Variants in ADAMTS20 observed in about 807,000 individuals in gnomAD.
ADAMTS20 encodes the protein A disintegrin and metalloproteinase with thrombospondin motifs 20.
A neutral mutation model predicts 260.1 loss-of-function variants in ADAMTS20; 225 were observed. That is an observed-to-expected ratio of 0.87 (90% confidence interval 0.78 to 0.97). The LOEUF is 0.97. Among genes scored for constraint, ADAMTS20 ranks in the 50% least tolerant of loss-of-function variants. The probability of loss-of-function intolerance (pLI) is 0.00; values close to 1 mark genes in which losing one functional copy is unlikely to be tolerated. For synonymous variants in ADAMTS20, 802 were observed against 769.5 expected (o/e 1.04, Z -0.70); for missense variants, 2,400 against 2,337.7 (o/e 1.03, Z -0.55).
At chr12:43,522,733 T>C (rs1034704247) in intron 3 of ADAMTS20, among the ~76,000 whole-genome samples, 1 of 152,194 alleles carries the variant, frequency 6.6e-6, no homozygotes, top group African/African-American at 2.4e-5. Context: ...GGGGTTTTTG[T>C]TGGTGTTTGT....
intron 7 of ADAMTS20, among the ~76,000 whole-genome samples, chr12:43,482,517 A>T (rs531864712): frequency 1.3e-5 from 2 of 152,312 alleles, no homozygotes; most frequent in South Asian, 4.1e-4. Context: ...GCCACCTCCC[A>T]GTGTAGATTC....
At chr12:43,378,357 A>C (rs1335270305) in intron 31 of ADAMTS20, among the ~76,000 whole-genome samples, 4 of 152,228 alleles carry the variant, frequency 2.6e-5, no homozygotes, top group Non-Finnish European at 5.9e-5. Flanking sequence ...AAGTAAGGCA[A>C]TTAACCAAAC....
chr12:43,405,786 TCAGA>T (rs1233186463), intron 28 of ADAMTS20, among the ~76,000 whole-genome samples: 2 of 152,196 alleles, frequency 1.3e-5, no homozygotes, highest in Non-Finnish European at 2.9e-5. Flanking sequence ...CATCAAATGA[TCAGA>T]CAAAAACAAA....
intron 3 of ADAMTS20, among the ~76,000 whole-genome samples, chr12:43,521,166 A>C (rs923561770): frequency 1.3e-5 from 2 of 152,368 alleles, no homozygotes; most frequent in South Asian, 4.1e-4. Flanking sequence ...GAAACTGATT[A>C]AATTCATTAG....
chr12:43,509,320 GTTGTTA>G (rs1942890667), intron 3 of ADAMTS20, among the ~76,000 whole-genome samples: 1 of 151,952 alleles, frequency 6.6e-6, no homozygotes, highest in African/African-American at 2.4e-5. Flanking sequence ...AATTTTGGTT[GTTGTTA>G]TTGATATTGT....
At chr12:43,471,133 C>G (rs1592086202) in intron 7 of ADAMTS20, among the ~76,000 whole-genome samples, 1 of 152,036 alleles carries the variant, frequency 6.6e-6, no homozygotes, top group African/African-American at 2.4e-5. Context: ...GTGCACGCAC[C>G]GTGCGAGAGC....
At chr12:43,358,933 AAGTG>A (rs1176492397) in intron 37 of ADAMTS20, among the ~76,000 whole-genome samples, 1 of 145,178 alleles carries the variant, frequency 6.9e-6, no homozygotes, top group East Asian at 1.9e-4. Flanking sequence ...AGTAATAAAT[AAGTG>A]AGTGTGAATA....
chr12:43,430,558 A>G, intron 22 of ADAMTS20, 87 bp from the exon 23 acceptor site: 2 of 1,223,112 alleles, frequency 1.6e-6, no homozygotes, highest in Non-Finnish European at 2.2e-6. Flanking sequence ...CCTGTTAATA[A>G]TATACTTTTA....
chr12:43,462,760 C>G (rs1592081916), intron 11 of ADAMTS20, 135 bp downstream of exon 11: 1 of 662,652 alleles, frequency 1.5e-6, no homozygotes, highest in Non-Finnish European at 2.6e-6. Context: ...CTATATCAAA[C>G]AAACATGGCA....
Position 43,551,724 on chromosome 12 carries a change from G to A in ADAMTS20, c.91+107C>T. 1 of 1,170,164 alleles carries A rather than the reference G, an allele frequency of 8.5e-7. No individual in the cohort carries two copies. Among genetic ancestry groups the A allele is most frequent in the Non-Finnish European group, 1.2e-6 (1 of 806,218 alleles). The allele number at this position is 1,170,164 out of a possible 1,614,324, so 72.5% of individuals were successfully genotyped here. Reference sequence around the variant, plus strand: ...CCGGGAGTCCCGGGAGCTCCAGCAGGGCCAGCGTTCCCCAACGGGCTGAGC... The same window carrying A: ...CCGGGAGTCCCGGGAGCTCCAGCAGAGCCAGCGTTCCCCAACGGGCTGAGC... On this transcript the variant is annotated intron_variant, in intron 1 of 38. Transcript: ENST00000389420. This position sits in a 1 kb window ranked among gnomAD's most constrained non-coding sequence, Gnocchi z 4.6.
At chr12:43,382,372 G>A (rs748107134) in intron 31 of ADAMTS20, among the ~76,000 whole-genome samples, 1 of 152,158 alleles carries the variant, frequency 6.6e-6, no homozygotes, top group Non-Finnish European at 1.5e-5. Flanking sequence ...AGTGAAAGAA[G>A]CTAGACACAA....
chr12:43,507,473 C>A (rs1839766022), intron 3 of ADAMTS20, among the ~76,000 whole-genome samples: 1 of 152,140 alleles, frequency 6.6e-6, no homozygotes, highest in African/African-American at 2.4e-5. Context: ...AAGTAATTTA[C>A]CACTTGTCTC....
At chr12:43,376,748 C>A in intron 32 of ADAMTS20, 95 bp from the exon 33 acceptor site, 1 of 1,425,320 alleles carries the variant, frequency 7.0e-7, no homozygotes, top group Non-Finnish European at 9.4e-7. Context: ...ATTTCTGGAG[C>A]ACACTGAGGG....
intron 18 of ADAMTS20, among the ~76,000 whole-genome samples, chr12:43,438,207 C>T (rs1941593627): frequency 6.6e-6 from 1 of 152,096 alleles, no homozygotes; most frequent in African/African-American, 2.4e-5. Context: ...TCCAAACTTC[C>T]ATTTTGAATC....
At chr12:43,358,922 A>G (rs1406948612) in intron 37 of ADAMTS20, among the ~76,000 whole-genome samples, 1 of 148,832 alleles carries the variant, frequency 6.7e-6, no homozygotes, top group Non-Finnish European at 1.5e-5. Flanking sequence ...AGGATTTTAG[A>G]AGTAATAAAT....
chr12:43,469,359 T>C (rs1036272883), intron 7 of ADAMTS20, among the ~76,000 whole-genome samples: 10 of 152,060 alleles, frequency 6.6e-5, no homozygotes, highest in African/African-American at 1.7e-4. Context: ...AACATGCAAC[T>C]CAAATGTGCT....
rs553870327 is a variant in ADAMTS20 at position 43,482,065 on chromosome 12, G to T, written c.1117+8330C>A. Among the ~76,000 whole-genome samples the T allele has an allele frequency of 1.5e-4, 23 of 152,034 alleles. No homozygotes were observed. The East Asian group carries it at 1.5e-3, about 10-fold the overall frequency. On this transcript the variant is annotated intron_variant, in intron 7 of 38. Coordinates refer to ENST00000389420, the MANE Select transcript of ADAMTS20 (RefSeq NM_025003.5). ...TGCTGCAGCTGATTTAGTGAGCAGC[G>T]GGGAATATATGAGAAGGAACGGCAT...
chr12:43,449,778 A>G (rs1941831526), intron 14 of ADAMTS20, among the ~76,000 whole-genome samples: 1 of 152,172 alleles, frequency 6.6e-6, no homozygotes, highest in Non-Finnish European at 1.5e-5. Flanking sequence ...AGTTGTATGT[A>G]ACATTTTCAC....
intron 28 of ADAMTS20, among the ~76,000 whole-genome samples, chr12:43,421,140 G>C (rs559788246): frequency 4.0e-5 from 6 of 151,496 alleles, no homozygotes; most frequent in Non-Finnish European, 7.4e-5. Context: ...GCTTCTATTT[G>C]TTGCATTCCA....
Sources: gnomAD v4.1 joint callset for allele counts (sites outside exome capture counted in the v4.1 genomes callset) on GRCh38, gnomAD v4.1.1 for gene constraint, Gnocchi (gnomAD v3.1) non-coding constraint, MANE v1.5 for transcripts, NCBI Gene and HGNC (gene_info 2026-07-23, HGNC 2026-07-21) for gene names.